MTG1: variants seen among roughly 807,000 people sequenced by gnomAD.
MTG1 encodes the protein mitochondrial ribosome-associated GTPase 1.
In MTG1, 30 loss-of-function variants were observed where a neutral mutation model predicts 39.5. That is an observed-to-expected ratio of 0.76 (90% CI 0.57 to 1.03). MTG1 has a LOEUF of 1.03. Ranked by LOEUF, MTG1 falls within the 50% of genes least tolerant of loss-of-function variation. The pLI is 0.00. For synonymous variants in MTG1, 217 were observed against 179.0 expected (o/e 1.21, Z -1.69); for missense variants, 513 against 447.4 (o/e 1.15, Z -1.32).
At position 133,420,199 on chromosome 10, in the gene MTG1, G is replaced by A; in HGVS notation, c.*34G>A. 1 of 1,578,798 alleles carries A rather than the reference G, an allele frequency of 6.3e-7. No homozygotes were observed. The highest frequency in any genetic ancestry group is 8.6e-7 in the Non-Finnish European group (1 of 1,162,804). On this transcript the variant is annotated 3_prime_UTR_variant, in exon 11 of 11. Coordinates refer to ENST00000317502, the MANE Select transcript of MTG1 (RefSeq NM_138384.4). Reference sequence around the variant, plus strand: ...GGGTAGGGAGGGCCGGAGGCATGTGGCCTCCCAGACCTCCTGACCTGGGTG... The same window carrying A: ...GGGTAGGGAGGGCCGGAGGCATGTGACCTCCCAGACCTCCTGACCTGGGTG...
Position 133,420,238 on chromosome 10 carries a change from A to G in MTG1, c.*73A>G, listed in dbSNP as rs1333348966. 13 of 1,501,224 alleles carry G rather than the reference A, an allele frequency of 8.7e-6. No homozygotes were observed. The East Asian group carries it at 3.0e-4, about 35-fold the overall frequency. 93.0% of individuals were successfully genotyped at this position (1,501,224 alleles called of 1,614,324 possible). On this transcript the variant is annotated 3_prime_UTR_variant, in exon 11 of 11. Coordinates refer to ENST00000317502, the MANE Select transcript of MTG1 (RefSeq NM_138384.4). Reference sequence around the variant, plus strand: ...CTGACCTGGGTGGTTGAGGCTCAAGACAGCTCACCCGGTCCAGAAGCTCCA... The same window carrying G: ...CTGACCTGGGTGGTTGAGGCTCAAGGCAGCTCACCCGGTCCAGAAGCTCCA...
chr10:133,405,243 C>CT (rs1466191928), intron 9 of MTG1, among the ~76,000 whole-genome samples: 1 of 152,058 alleles, frequency 6.6e-6, no homozygotes, highest in African/African-American at 2.4e-5. Flanking sequence ...ATATTGAACT[C>CT]TTTTTTAAAC....
rs764078164 is a variant in MTG1, at chr10:133,419,495, C to T, written c.768C>T (p.Tyr256=). 1.6e-5 allele frequency: 26 copies of T among 1,602,054 alleles called. No homozygotes were observed. Among genetic ancestry groups the T allele is most frequent in the Middle Eastern group, 1.8e-4 (1 of 5,450 alleles). Residue 256 remains tyrosine, a synonymous_variant, in exon 10 of 11, where the codon TAC becomes TAT. Coordinates refer to ENST00000317502, the MANE Select transcript of MTG1 (RefSeq NM_138384.4). ...CTATGTGCAGGTACGTGCAGCACTA[C>T]GGCCTGGGCAGTGCCTGTGACAACG... ...KHQRFGYVQH[Y]GLGSACDNVE... is the part of the protein sequence containing the mutation.
rs912522324 is a variant in MTG1, at chr10:133,402,855, C to G, written c.752+82C>G. 32 of 1,079,756 alleles carry G rather than the reference C, an allele frequency of 3.0e-5. No individual in the cohort carries two copies. In the African/African-American group the frequency reaches 4.8e-4, roughly 16 times the overall value. 66.9% of individuals were successfully genotyped at this position (1,079,756 alleles called of 1,614,324 possible). A position where few individuals can be genotyped will look rare whatever the true frequency, so the allele number is the denominator to read the frequency against. ...AAAAAAAAAACAAACAAAAAAACCCCCAGCATTATAAAGGTATTATAAACA... is the reference window on the plus strand; with the variant it reads ...AAAAAAAAAACAAACAAAAAAACCCGCAGCATTATAAAGGTATTATAAACA... On this transcript the variant is annotated intron_variant, in intron 9 of 10. Transcript: ENST00000317502. The surrounding 1 kb of genome is among the most constrained non-coding windows in gnomAD (Gnocchi z 4.7).
At chr10:133,399,656 A>G in intron 6 of MTG1, 37 bp downstream of exon 6, 3 of 1,603,548 alleles carry the variant, frequency 1.9e-6, no homozygotes, top group East Asian at 2.2e-5. Context: ...CAGGAAAGGT[A>G]CTGGCGCGTG....
intron 9 of MTG1, among the ~76,000 whole-genome samples, chr10:133,409,756 T>C (rs893617946): frequency 6.6e-6 from 1 of 152,222 alleles, no homozygotes; most frequent in South Asian, 2.1e-4. Context: ...AATTGACCCC[T>C]TTATCAATCG....
At chr10:133,416,125 G>C (rs1429767896) in intron 9 of MTG1, among the ~76,000 whole-genome samples, 2 of 151,964 alleles carry the variant, frequency 1.3e-5, no homozygotes, top group East Asian at 3.9e-4. Context: ...TTCTGTTGCT[G>C]TGTCTTCGGG....
chr10:133,401,497 C>T (rs762411542), intron 6 of MTG1, 32 bp from the exon 7 acceptor site: 39 of 1,534,904 alleles, frequency 2.5e-5, no homozygotes, highest in Non-Finnish European at 3.2e-5. Flanking sequence ...GTTTAGTATA[C>T]ATTTGAGCCT....
In MTG1 at chr10:133,400,122, G is replaced by A. The variant is rs1849851609; in HGVS notation, c.511+503G>A. Among the ~76,000 whole-genome samples, 8 of 152,260 alleles carry A rather than the reference G, an allele frequency of 5.3e-5. No homozygotes were observed. In the South Asian group the frequency reaches 1.5e-3, roughly 28 times the overall value. On this transcript the variant is annotated intron_variant, in intron 6 of 10. Transcript: ENST00000317502. ...CAGGAGAATGGCGTGAACCCGGGAG[G>A]CGGAGCTTGCAGTGAGTTGAGATTG... is the stretch of plus-strand genomic sequence containing the variant.
intron 9 of MTG1, among the ~76,000 whole-genome samples, chr10:133,404,849 A>G (rs1006952804): frequency 6.6e-6 from 1 of 152,152 alleles, no homozygotes; most frequent in Non-Finnish European, 1.5e-5. Flanking sequence ...TCGGTTGTCC[A>G]TATACGTGGG....
chr10:133,420,324 C>T lies in MTG1; in HGVS notation c.*159C>T, dbSNP rs1025610127. ...CACAGCCTGGCCAGCTCCAGGGACC[C>T]CAGTTGCAGGGCCCAAGCAGGTGGG... On this transcript the variant is annotated 3_prime_UTR_variant, in exon 11 of 11. Transcript: ENST00000317502. 1 of 876,706 alleles carries T rather than the reference C, an allele frequency of 1.1e-6. No homozygotes were observed. The highest frequency in any genetic ancestry group is 1.6e-6 in the Non-Finnish European group (1 of 616,326). 54.3% of individuals were successfully genotyped at this position (876,706 alleles called of 1,614,324 possible).
chr10:133,402,369 C>T lies in MTG1; in HGVS notation c.670+124C>T. ...TTACTGCCTTTGACCTGGTTGCTGC[C>T]AGACCTTCCTCGAAGCTTAGTGTGA... is the stretch of plus-strand genomic sequence containing the variant. On this transcript the variant is annotated intron_variant, in intron 8 of 10. Coordinates refer to ENST00000317502, the MANE Select transcript of MTG1 (RefSeq NM_138384.4). This position sits in a 1 kb window ranked among gnomAD's most constrained non-coding sequence, Gnocchi z 4.7. 2 of 1,145,094 alleles carry T rather than the reference C, an allele frequency of 1.7e-6. No homozygotes were observed. The highest frequency in any genetic ancestry group is 3.7e-5 in the Admixed American group (2 of 53,982). 70.9% of individuals were successfully genotyped at this position (1,145,094 alleles called of 1,614,324 possible).
chr10:133,405,482 C>G (rs1349098145), intron 9 of MTG1, among the ~76,000 whole-genome samples: 1 of 152,218 alleles, frequency 6.6e-6, no homozygotes, highest in East Asian at 1.9e-4. Context: ...ATTCATTAAT[C>G]AACCTCTGTC....
intron 3 of MTG1, among the ~76,000 whole-genome samples, 171 bp from the exon 4 acceptor site, chr10:133,398,264 G>A (rs966790253): frequency 2.6e-5 from 4 of 152,202 alleles, no homozygotes; most frequent in Non-Finnish European, 4.4e-5. Flanking sequence ...TCTGGGCGTG[G>A]TGGCGCATGC....
rs1850204682 is a variant in MTG1, at chr10:133,420,054, T to C, written c.894T>C (p.Tyr298=). 3.7e-6 allele frequency: 6 copies of C among 1,612,970 alleles called. No homozygotes were observed. Among genetic ancestry groups the C allele is most frequent in the Admixed American group, 3.3e-5 (2 of 59,918 alleles). ...TGNVNIIQPN[Y]PAAARDFLQT... The stretch of plus-strand genomic sequence containing the variant: ...ACGTGAACATTATTCAGCCTAACTA[T>C]CCTGCGGCAGCCCGTGACTTCCTGC... Residue 298 remains tyrosine (Y), a synonymous_variant, in exon 11 of 11, where the codon TAT becomes TAC. Transcript: ENST00000317502.
At chr10:133,395,616 T>C in intron 1 of MTG1, 97 bp from the exon 2 acceptor site, 1 of 1,140,062 alleles carries the variant, frequency 8.8e-7, no homozygotes, top group Non-Finnish European at 1.3e-6. Context: ...CTTTTTAGGT[T>C]ATTTATGGTG....
chr10:133,419,116 C>T (rs2133519219), intron 9 of MTG1, among the ~76,000 whole-genome samples: 1 of 152,348 alleles, frequency 6.6e-6, no homozygotes, highest in African/African-American at 2.4e-5. Flanking sequence ...GTTTCCAGGA[C>T]CTGGGCCTGC....
intron 9 of MTG1, among the ~76,000 whole-genome samples, chr10:133,409,114 G>C (rs904375941): frequency 6.6e-6 from 1 of 151,320 alleles, no homozygotes; most frequent in African/African-American, 2.4e-5. Flanking sequence ...CTTTTCTGGT[G>C]CCTTGAGGTT....
intron 3 of MTG1, 50 bp from the exon 4 acceptor site, chr10:133,398,385 G>A: frequency 6.3e-7 from 1 of 1,582,912 alleles, no homozygotes; most frequent in Non-Finnish European, 8.6e-7. Context: ...GGGTGACAGA[G>A]CCAAGACTCC....
Sources: allele counts gnomAD v4.1 joint callset (sites outside exome capture counted in the v4.1 genomes callset), GRCh38; gene constraint gnomAD v4.1.1; non-coding constraint Gnocchi (gnomAD v3.1); transcripts MANE v1.5; gene names NCBI Gene and HGNC (gene_info 2026-07-23, HGNC 2026-07-21).